Variants in LRRC4C observed in about 807,000 individuals in gnomAD.
LRRC4C encodes the protein leucine-rich repeat-containing protein 4C.
LRRC4C carries 5 observed loss-of-function variants against 33.6 expected under a neutral mutation model. The ratio of observed to expected loss-of-function variants is 0.15; its 90% CI spans 0.08 to 0.31. The LOEUF (loss-of-function observed/expected upper bound fraction) is 0.31, where lower values mean the gene tolerates loss of function less well. Among genes scored for constraint, LRRC4C ranks in the 10% least tolerant of loss-of-function variants. The probability of loss-of-function intolerance (pLI) is 1.00; values close to 1 mark genes in which losing one functional copy is unlikely to be tolerated. For synonymous variants in LRRC4C, 329 were observed against 302.0 expected (o/e 1.09, Z -0.93); for missense variants, 560 against 796.7 (o/e 0.70, Z 3.58).
intron 1 of LRRC4C, among the ~76,000 whole-genome samples, chr11:41,107,262 C>T (rs58305500): frequency 8.2e-4 from 124 of 151,980 alleles, no homozygotes; most frequent in Middle Eastern, 3.4e-3. Context: ...TAATAAACAC[C>T]TTCTAATGCA....
At chr11:40,967,558 G>C (rs1193823483) in intron 1 of LRRC4C, among the ~76,000 whole-genome samples, 2 of 151,788 alleles carry the variant, frequency 1.3e-5, no homozygotes, top group African/African-American at 4.8e-5. Context: ...TCATGTTTTT[G>C]TAATTATCAC....
chr11:40,983,849 A>G (rs1378623926), intron 1 of LRRC4C, among the ~76,000 whole-genome samples: 1 of 152,156 alleles, frequency 6.6e-6, no homozygotes, highest in African/African-American at 2.4e-5. Context: ...TGAAATTTCT[A>G]TATTGATGAA....
At chr11:40,717,173 C>T (rs1041984449) in intron 2 of LRRC4C, among the ~76,000 whole-genome samples, 4 of 152,014 alleles carry the variant, frequency 2.6e-5, no homozygotes, top group South Asian at 2.1e-4. Context: ...GGGCAAATTC[C>T]GTTTATTTGT....
intron 1 of LRRC4C, among the ~76,000 whole-genome samples, chr11:41,047,169 A>G (rs751432264): frequency 6.6e-6 from 1 of 152,112 alleles, no homozygotes; most frequent in East Asian, 1.9e-4. Context: ...CTACAACTCA[A>G]CAGTAAAAAG....
intron 3 of LRRC4C, among the ~76,000 whole-genome samples, chr11:40,500,633 AC>A (rs1565450655): frequency 6.6e-6 from 1 of 152,016 alleles, no homozygotes; most frequent in Admixed American, 6.6e-5. Context: ...CTTATTCAGT[AC>A]CACAGGTACA....
chr11:41,196,786 C>T (rs1485259581), intron 1 of LRRC4C, among the ~76,000 whole-genome samples: 2 of 151,956 alleles, frequency 1.3e-5, no homozygotes, highest in African/African-American at 4.8e-5. Flanking sequence ...TCCAAAATTA[C>T]TGAAGTTTTT....
At chr11:40,510,617 T>G (rs1285698052) in intron 3 of LRRC4C, among the ~76,000 whole-genome samples, 2 of 152,208 alleles carry the variant, frequency 1.3e-5, no homozygotes, top group Non-Finnish European at 2.9e-5. Flanking sequence ...TGACAGGTAC[T>G]GCCTCTATCC....
At chr11:40,850,469 G>T (rs534373017) in intron 2 of LRRC4C, among the ~76,000 whole-genome samples, 6 of 152,296 alleles carry the variant, frequency 3.9e-5, no homozygotes, top group African/African-American at 1.2e-4. Context: ...AGCAGAGGCT[G>T]CATAACAGCA....
chr11:41,167,002 A>AT (rs1167948857), intron 1 of LRRC4C, among the ~76,000 whole-genome samples: 3 of 152,186 alleles, frequency 2.0e-5, no homozygotes, highest in Non-Finnish European at 2.9e-5. Context: ...TAAATACTGA[A>AT]TTCAGAGCTT....
intron 4 of LRRC4C, among the ~76,000 whole-genome samples, chr11:40,261,456 G>A (rs920256392): frequency 6.6e-6 from 1 of 152,006 alleles, no homozygotes; most frequent in African/African-American, 2.4e-5. Context: ...GGAAGAAAAG[G>A]GCATTCTTCA....
chr11:40,467,513 G>C (rs530553168), intron 3 of LRRC4C, among the ~76,000 whole-genome samples: 17 of 152,196 alleles, frequency 1.1e-4, no homozygotes, highest in African/African-American at 3.9e-4. Flanking sequence ...AAAATTTTTA[G>C]AGCGCTGGAA....
chr11:41,147,143 A>G (rs1943761932), intron 1 of LRRC4C, among the ~76,000 whole-genome samples: 1 of 152,198 alleles, frequency 6.6e-6, no homozygotes. Context: ...TTGTTAAACC[A>G]AGATATATTC....
intron 5 of LRRC4C, among the ~76,000 whole-genome samples, chr11:40,213,650 T>C (rs1308930614): frequency 1.3e-5 from 2 of 152,180 alleles, no homozygotes; most frequent in African/African-American, 2.4e-5. Flanking sequence ...ATGTAGTAGA[T>C]ATAGATATAT....
intron 2 of LRRC4C, among the ~76,000 whole-genome samples, chr11:40,784,047 T>A (rs1017702530): frequency 2.0e-5 from 3 of 151,282 alleles, no homozygotes; most frequent in African/African-American, 7.4e-5. Context: ...AAAATAAGAA[T>A]CATTTATCAA....
intron 3 of LRRC4C, among the ~76,000 whole-genome samples, chr11:40,463,741 C>T (rs907260825): frequency 6.6e-6 from 1 of 152,130 alleles, no homozygotes; most frequent in East Asian, 1.9e-4. Context: ...TATATAGCTT[C>T]TTTTGGGGAA....
chr11:40,465,762 C>T (rs1246764120), intron 3 of LRRC4C, among the ~76,000 whole-genome samples: 2 of 151,736 alleles, frequency 1.3e-5, no homozygotes, highest in African/African-American at 4.8e-5. Flanking sequence ...ATCAGAATGT[C>T]TATTACTAAA....
At chr11:41,178,122 G>A (rs1352878718) in intron 1 of LRRC4C, among the ~76,000 whole-genome samples, 1 of 152,162 alleles carries the variant, frequency 6.6e-6, no homozygotes, top group Non-Finnish European at 1.5e-5. Context: ...GTTACCATAT[G>A]TTGGCCTATT....
intron 1 of LRRC4C, among the ~76,000 whole-genome samples, chr11:41,196,161 A>G (rs968541740): frequency 1.3e-5 from 2 of 152,060 alleles, no homozygotes; most frequent in African/African-American, 4.8e-5. Context: ...TGAGCACCTC[A>G]TCCTGAAGTT....
intron 3 of LRRC4C, among the ~76,000 whole-genome samples, chr11:40,440,141 G>T (rs1025194677): frequency 1.8e-4 from 28 of 152,238 alleles, no homozygotes; most frequent in African/African-American, 6.5e-4. Context: ...AGTTACATGA[G>T]GGCAGGGAGC....
Sources: allele counts gnomAD v4.1 joint callset (sites outside exome capture counted in the v4.1 genomes callset), GRCh38; gene constraint gnomAD v4.1.1; transcripts MANE v1.5; gene names NCBI Gene and HGNC (gene_info 2026-07-23, HGNC 2026-07-21).